SH3BP5: variants seen among roughly 807,000 people sequenced by gnomAD.
The protein encoded by SH3BP5 is SH3 domain-binding protein 5.
A neutral mutation model predicts 43.3 loss-of-function variants in SH3BP5; 22 were observed. The ratio of observed to expected loss-of-function variants is 0.51; its 90% CI spans 0.36 to 0.73. SH3BP5 has a LOEUF of 0.73. Ranked by LOEUF, SH3BP5 falls within the 30% of genes least tolerant of loss-of-function variation. The pLI, the probability that SH3BP5 is intolerant of heterozygous loss-of-function variation, is 0.00. For synonymous variants in SH3BP5, 255 were observed against 225.8 expected (o/e 1.13, Z -1.16); for missense variants, 529 against 586.9 (o/e 0.90, Z 1.02).
intron 3 of SH3BP5, among the ~76,000 whole-genome samples, chr3:15,295,669 AAAGG>A (rs1177086702): frequency 6.6e-6 from 1 of 152,212 alleles, no homozygotes; most frequent in Non-Finnish European, 1.5e-5. Context: ...ACATGCAGAA[AAAGG>A]AAGAGGAAAT....
chr3:15,329,623 A>G (rs762594385), intron 2 of SH3BP5, among the ~76,000 whole-genome samples: 3 of 151,958 alleles, frequency 2.0e-5, no homozygotes, highest in Admixed American at 6.6e-5. Flanking sequence ...TATCTCCCAC[A>G]CTCTCACTCT....
intron 2 of SH3BP5, among the ~76,000 whole-genome samples, chr3:15,310,354 C>T (rs749945572): frequency 1.3e-5 from 2 of 152,238 alleles, no homozygotes; most frequent in Non-Finnish European, 2.9e-5. Flanking sequence ...TTAGTTCAAC[C>T]TAGCTTTTAT....
intron 2 of SH3BP5, among the ~76,000 whole-genome samples, chr3:15,312,989 A>T (rs1698097125): frequency 6.6e-6 from 1 of 152,230 alleles, no homozygotes. Context: ...CACGCCTGTA[A>T]TCCCAGCACT....
chr3:15,281,256 C>T (rs1042326157), intron 3 of SH3BP5, among the ~76,000 whole-genome samples: 1 of 152,114 alleles, frequency 6.6e-6, no homozygotes, highest in Non-Finnish European at 1.5e-5. Context: ...GAGTGAAACA[C>T]GGTCCCCCAA....
chr3:15,325,825 G>A (rs947855435), intron 2 of SH3BP5, among the ~76,000 whole-genome samples: 7 of 152,104 alleles, frequency 4.6e-5, no homozygotes, highest in African/African-American at 7.2e-5. Flanking sequence ...GTTTGAAACC[G>A]GCCTGGCCAA....
chr3:15,317,902 C>T (rs1468670550), intron 2 of SH3BP5, among the ~76,000 whole-genome samples: 1 of 152,194 alleles, frequency 6.6e-6, no homozygotes, highest in Non-Finnish European at 1.5e-5. Context: ...AACCTGGTCC[C>T]CCAAGTCCTA....
Position 15,304,130 on chromosome 3 carries a change from G to T in SH3BP5, c.303C>A (p.Tyr101Ter). 1 of 1,614,152 alleles carries T rather than the reference G, an allele frequency of 6.2e-7. No homozygotes were observed. The highest frequency in any genetic ancestry group is 8.5e-7 in the Non-Finnish European group (1 of 1,180,012). Residue 101 changes from tyrosine to a stop codon, truncating the protein, a stop_gained, in exon 3 of 9, where the codon TAC (tyrosine) becomes TAA (stop). Transcript: ENST00000383791. LOFTEE classifies it high-confidence loss of function. The part of the protein sequence containing the change: ...IGKAVEDSKP[Y>*]WEARRVARQA... ...GCCTCGCCACCCTCCGTGCCTCCCA[G>T]TAGGGCTTGGAGTCTTCCACAGCTT... is the stretch of plus-strand genomic sequence containing the variant.
chr3:15,254,925 T>TATC lies in SH3BP5; in HGVS notation c.*1158_*1160dup, dbSNP rs1455735991. On this transcript the variant is annotated 3_prime_UTR_variant, in exon 9 of 9. Coordinates refer to ENST00000383791, the MANE Select transcript of SH3BP5 (RefSeq NM_004844.5). ...AAATAACCTTGTAATTAAGATACTG[T>TATC]ATCAGTCAAAAAAGAAGTCACTATT... The TATC allele has an allele frequency of 6.6e-6, 1 of 152,202 alleles. No individual in the cohort carries two copies. The highest frequency in any genetic ancestry group is 2.1e-4 in the South Asian group (1 of 4,832). 9.4% of individuals were successfully genotyped at this position (152,202 alleles called of 1,614,324 possible). A position where few individuals can be genotyped will look rare whatever the true frequency, so the allele number is the denominator to read the frequency against.
At chr3:15,292,467 C>T (rs1447752652) in intron 3 of SH3BP5, among the ~76,000 whole-genome samples, 1 of 152,188 alleles carries the variant, frequency 6.6e-6, no homozygotes, top group South Asian at 2.1e-4. Context: ...CTGGCTAAGA[C>T]CTGCCTGCAA....
chr3:15,280,165 C>T (rs892842078), intron 3 of SH3BP5, among the ~76,000 whole-genome samples: 5 of 152,118 alleles, frequency 3.3e-5, no homozygotes, highest in African/African-American at 4.8e-5. Flanking sequence ...CCTCCGGGAA[C>T]GACGCATCCC....
chr3:15,332,623 T>TCAGCG, upstream of SH3BP5: 1 of 1,181,492 alleles, frequency 8.5e-7, no homozygotes. Flanking sequence ...GCCGCGGCAG[T>TCAGCG]CAGCGCAGCG....
intron 3 of SH3BP5, among the ~76,000 whole-genome samples, chr3:15,300,822 G>T (rs1697717770): frequency 6.6e-6 from 1 of 152,114 alleles, no homozygotes; most frequent in Non-Finnish European, 1.5e-5. Context: ...AGATTACGGG[G>T]AGGGCTTGCA....
chr3:15,315,212 T>C (rs1236149789), intron 2 of SH3BP5, among the ~76,000 whole-genome samples: 2 of 151,748 alleles, frequency 1.3e-5, no homozygotes, highest in African/African-American at 4.8e-5. Flanking sequence ...CAGGGCCAAC[T>C]GAAACATGTG....
At chr3:15,259,576 T>TA in intron 6 of SH3BP5, 185 bp downstream of exon 6, 1 of 708,220 alleles carries the variant, frequency 1.4e-6, no homozygotes, top group Non-Finnish European at 2.6e-6. Flanking sequence ...GAATGGCAGT[T>TA]ACAGAGGTTC....
intron 7 of SH3BP5, 59 bp downstream of exon 7, chr3:15,258,772 G>C: frequency 6.8e-7 from 1 of 1,473,606 alleles, no homozygotes; most frequent in East Asian, 2.3e-5. Context: ...TGAGGACCTT[G>C]GGAAACAAAT....
chr3:15,310,139 G>T (rs999748509), intron 2 of SH3BP5, among the ~76,000 whole-genome samples: 4 of 152,166 alleles, frequency 2.6e-5, no homozygotes, highest in African/African-American at 7.2e-5. Context: ...GTGATTGTTC[G>T]ATGAGCAGGG....
chr3:15,318,245 G>A (rs1434077717), intron 2 of SH3BP5, among the ~76,000 whole-genome samples: 6 of 152,088 alleles, frequency 3.9e-5, no homozygotes, highest in Non-Finnish European at 8.8e-5. Flanking sequence ...ACTGGCTAAG[G>A]GGCTGGAGGA....
At chr3:15,258,740 T>C (rs1696316895) in intron 7 of SH3BP5, 91 bp downstream of exon 7, 1 of 1,197,604 alleles carries the variant, frequency 8.4e-7, no homozygotes. Context: ...CTCTGAGACC[T>C]TTCACTGATG....
intron 3 of SH3BP5, chr3:15,273,172 G>A (rs963222467): frequency 1.0e-6 from 1 of 985,274 alleles, no homozygotes; most frequent in East Asian, 1.1e-4. Flanking sequence ...ATCCTAAAAT[G>A]GGATTTGTAT....
Sources: allele counts gnomAD v4.1 joint callset (sites outside exome capture counted in the v4.1 genomes callset), GRCh38; gene constraint gnomAD v4.1.1; transcripts MANE v1.5; gene names NCBI Gene and HGNC (gene_info 2026-07-23, HGNC 2026-07-21).